The following GALNTL6 variants were observed in gnomAD, a reference collection of about 807,000 sequenced individuals.
The protein encoded by GALNTL6 is polypeptide N-acetylgalactosaminyltransferase like 6.
GALNTL6 carries 46 observed loss-of-function variants against 73.7 expected under a neutral mutation model. The ratio of observed to expected loss-of-function variants is 0.62; its 90% CI spans 0.49 to 0.80. The LOEUF (loss-of-function observed/expected upper bound fraction) is 0.80, where lower values mean the gene tolerates loss of function less well. Ranked by LOEUF, GALNTL6 falls within the 30% of genes least tolerant of loss-of-function variation. The probability of loss-of-function intolerance (pLI) is 0.00; values close to 1 mark genes in which losing one functional copy is unlikely to be tolerated. For missense variants in GALNTL6, 604 were observed against 755.0 expected (o/e 0.80, Z 2.34); for synonymous variants, 259 against 263.7 (o/e 0.98, Z 0.17).
intron 5 of GALNTL6, among the ~76,000 whole-genome samples, chr4:172,512,756 G>C (rs1437173991): frequency 6.6e-6 from 1 of 152,122 alleles, no homozygotes; most frequent in Non-Finnish European, 1.5e-5. Flanking sequence ...GTTTAAGGAG[G>C]CTAAACATAG....
intron 4 of GALNTL6, among the ~76,000 whole-genome samples, chr4:172,321,840 ATCTC>A (rs371286259): frequency 3.2e-4 from 48 of 152,280 alleles, no homozygotes; most frequent in African/African-American, 1.1e-3. Context: ...CAGTTATTAA[ATCTC>A]TCTAAGACAA....
chr4:172,164,436 G>T (rs1734562125), intron 2 of GALNTL6, among the ~76,000 whole-genome samples: 1 of 151,776 alleles, frequency 6.6e-6, no homozygotes. Context: ...TAAAAAAAGT[G>T]TTCATAATCC....
chr4:172,850,772 C>A (rs1366453907), intron 7 of GALNTL6, among the ~76,000 whole-genome samples: 1 of 152,182 alleles, frequency 6.6e-6, no homozygotes, highest in Non-Finnish European at 1.5e-5. Context: ...GGTTCTATTA[C>A]TTTGCTAGTA....
chr4:172,162,654 G>T (rs889659416), intron 2 of GALNTL6, among the ~76,000 whole-genome samples: 2 of 151,918 alleles, frequency 1.3e-5, no homozygotes, highest in African/African-American at 4.8e-5. Flanking sequence ...AATTTAAAAA[G>T]ATCTTGTGGC....
chr4:173,022,110 AGAAG>A lies in GALNTL6; in HGVS notation c.1638+501_1638+504del, dbSNP rs1169715483. ...AGGAAAGAAGGAAGGAAGGAAGGAA[AGAAG>A]GAAGGAAGGAAGGAAAGAAGGAAGG... is the stretch of plus-strand genomic sequence containing the variant. On this transcript the variant is annotated intron_variant, in intron 12 of 12. Coordinates refer to ENST00000506823, the MANE Select transcript of GALNTL6 (RefSeq NM_001034845.3). 8.7e-4 allele frequency among the ~76,000 whole-genome samples: 75 copies of A among 86,288 alleles called. No individual in the cohort carries two copies. In the Middle Eastern group the frequency reaches 0.019, roughly 21 times the overall value. The allele number at this position is 86,288 out of a possible 152,430, so 56.6% of individuals were successfully genotyped here.
chr4:172,635,883 C>G (rs1288560195), intron 5 of GALNTL6, among the ~76,000 whole-genome samples: 1 of 152,130 alleles, frequency 6.6e-6, no homozygotes, highest in Non-Finnish European at 1.5e-5. Context: ...GCTTCATCCA[C>G]TAAACCATAT....
intron 5 of GALNTL6, among the ~76,000 whole-genome samples, chr4:172,370,952 C>T (rs558249797): frequency 1.1e-4 from 16 of 152,296 alleles, no homozygotes; most frequent in African/African-American, 3.6e-4. Context: ...TAACTTTTAG[C>T]AAACTTTACT....
At chr4:171,833,110 A>C (rs941012628) in intron 2 of GALNTL6, among the ~76,000 whole-genome samples, 1 of 151,768 alleles carries the variant, frequency 6.6e-6, no homozygotes, top group Non-Finnish European at 1.5e-5. Context: ...AGCAATATTA[A>C]AAGTATGTAA....
chr4:172,951,677 T>C (rs761285033), intron 9 of GALNTL6, among the ~76,000 whole-genome samples: 6 of 152,216 alleles, frequency 3.9e-5, no homozygotes, highest in Non-Finnish European at 8.8e-5. Flanking sequence ...GGAATGTCAT[T>C]CTCTCCAGTT....
intron 2 of GALNTL6, among the ~76,000 whole-genome samples, chr4:172,129,462 A>G (rs897042030): frequency 2.0e-5 from 3 of 152,182 alleles, no homozygotes; most frequent in African/African-American, 7.2e-5. Flanking sequence ...TGAGAATCCT[A>G]TTTCATTTTT....
chr4:172,779,740 G>A (rs1739276062), intron 5 of GALNTL6, among the ~76,000 whole-genome samples: 1 of 152,168 alleles, frequency 6.6e-6, no homozygotes, highest in Admixed American at 6.5e-5. Context: ...AACATTTACT[G>A]ACAGCAATTG....
intron 3 of GALNTL6, among the ~76,000 whole-genome samples, chr4:172,272,495 T>G (rs113063502): frequency 1.8e-3 from 273 of 152,292 alleles, no homozygotes; most frequent in African/African-American, 5.9e-3. Context: ...TGTAGGCAAC[T>G]ATAACATGAT....
chr4:172,705,915 T>C (rs555821176), intron 5 of GALNTL6, among the ~76,000 whole-genome samples: 25 of 152,160 alleles, frequency 1.6e-4, no homozygotes, highest in African/African-American at 5.8e-4. Flanking sequence ...GTCCTTGAAC[T>C]TTGAGAGTTT....
At chr4:172,451,692 C>G (rs1043103405) in intron 5 of GALNTL6, among the ~76,000 whole-genome samples, 4 of 152,076 alleles carry the variant, frequency 2.6e-5, no homozygotes. Context: ...GAAAAGTCAT[C>G]AGCAAACAAT....
chr4:172,322,290 C>G (rs900600525), intron 4 of GALNTL6, among the ~76,000 whole-genome samples: 2 of 152,130 alleles, frequency 1.3e-5, no homozygotes, highest in African/African-American at 4.8e-5. Flanking sequence ...CGCTTCTGCT[C>G]TAAAACTTGC....
chr4:172,588,681 A>C lies in GALNTL6; in HGVS notation c.554-220680A>C, dbSNP rs556851206. ...TTCTCAGAGGTCACTTTAGAAAGCAACATGGTAAGTGGTTCTAACCACAGA... is the reference window on the plus strand; with the variant it reads ...TTCTCAGAGGTCACTTTAGAAAGCACCATGGTAAGTGGTTCTAACCACAGA... On this transcript the variant is annotated intron_variant, in intron 5 of 12. Coordinates refer to ENST00000506823, the MANE Select transcript of GALNTL6 (RefSeq NM_001034845.3). Among the ~76,000 whole-genome samples, 189 of 152,364 alleles carry C rather than the reference A, an allele frequency of 1.2e-3. 1 individual carries two copies. Among genetic ancestry groups the C allele is most frequent in the African/African-American group, 4.2e-3 (175 of 41,572 alleles).
intron 5 of GALNTL6, among the ~76,000 whole-genome samples, chr4:172,703,986 T>C (rs976870020): frequency 6.6e-6 from 1 of 152,038 alleles, no homozygotes; most frequent in Non-Finnish European, 1.5e-5. Flanking sequence ...TGGCATGTAA[T>C]TGTTCATAAT....
chr4:172,727,627 T>C (rs1735897028), intron 5 of GALNTL6, among the ~76,000 whole-genome samples: 1 of 152,144 alleles, frequency 6.6e-6, no homozygotes, highest in Non-Finnish European at 1.5e-5. Flanking sequence ...ATGCTATTAA[T>C]TTTTTCATAT....
At chr4:172,729,475 A>G (rs1026370016) in intron 5 of GALNTL6, among the ~76,000 whole-genome samples, 15 of 152,244 alleles carry the variant, frequency 9.9e-5, no homozygotes, top group Admixed American at 5.9e-4. Flanking sequence ...TCCCAGCACC[A>G]CTTATTGAAA....
Sources: gnomAD v4.1 joint callset for allele counts (sites outside exome capture counted in the v4.1 genomes callset) on GRCh38, gnomAD v4.1.1 for gene constraint, MANE v1.5 for transcripts, NCBI Gene and HGNC (gene_info 2026-07-23, HGNC 2026-07-21) for gene names.